Variants in HK1 observed in about 807,000 individuals in gnomAD.
HK1 encodes hexokinase 1.
In HK1, 28 loss-of-function variants were observed where a neutral mutation model predicts 91.6. That is an observed-to-expected ratio of 0.31 (90% CI 0.23 to 0.42). The LOEUF is 0.42. Ranked by LOEUF, HK1 falls within the 10% of genes least tolerant of loss-of-function variation. The probability of loss-of-function intolerance (pLI) is 1.00; values close to 1 mark genes in which losing one functional copy is unlikely to be tolerated. For synonymous variants in HK1, 430 were observed against 468.1 expected (o/e 0.92, Z 1.05); for missense variants, 770 against 1,219.8 (o/e 0.63, Z 5.49).
chr10:69,310,052 TAA>T (rs1216110407), intron 5 of HK1, among the ~76,000 whole-genome samples: 10 of 88,956 alleles, frequency 1.1e-4, no homozygotes, highest in Non-Finnish European at 2.0e-4. Context: ...CTCCATCTCA[TAA>T]AAAAAAAAAA....
At chr10:69,396,383 CAG>C (rs1352809380) in intron 16 of HK1, among the ~76,000 whole-genome samples, 12 of 152,118 alleles carry the variant, frequency 7.9e-5, no homozygotes, top group African/African-American at 2.9e-4. Context: ...TTTAAGTATA[CAG>C]TTCGGTGACA....
chr10:69,330,653 G>T (rs970203772), intron 1 of HK1, among the ~76,000 whole-genome samples: 18 of 152,060 alleles, frequency 1.2e-4, no homozygotes, highest in African/African-American at 4.3e-4. Context: ...CTTCCCTGAT[G>T]CAGACTCTCA....
chr10:69,392,061 G>A, intron 14 of HK1, 64 bp from the exon 15 acceptor site: 7 of 1,566,616 alleles, frequency 4.5e-6, no homozygotes, highest in Non-Finnish European at 6.2e-6. Flanking sequence ...CCAGACCCCA[G>A]GCCCAGTTGC....
chr10:69,273,237 A>G (rs1844266143), intron 1 of HK1, among the ~76,000 whole-genome samples: 1 of 151,778 alleles, frequency 6.6e-6, no homozygotes, highest in Admixed American at 6.6e-5. Flanking sequence ...TTTATTTGAG[A>G]TGGAGTCTCA....
chr10:69,302,270 T>C (rs1298843840), intron 5 of HK1, among the ~76,000 whole-genome samples: 4 of 149,802 alleles, frequency 2.7e-5, no homozygotes, highest in Admixed American at 1.3e-4. Flanking sequence ...AAAAAACTTA[T>C]AAAGCTACAG....
chr10:69,382,939 C>T (rs1162101170), intron 10 of HK1, 148 bp downstream of exon 10: 1 of 748,132 alleles, frequency 1.3e-6, no homozygotes, highest in Non-Finnish European at 2.2e-6. Flanking sequence ...TCTCTGTTTT[C>T]CATTTTTATT....
intron 5 of HK1, among the ~76,000 whole-genome samples, chr10:69,307,288 G>A (rs551201654): frequency 8.5e-5 from 13 of 152,144 alleles, no homozygotes; most frequent in African/African-American, 1.2e-4. Flanking sequence ...CCCACCCCCC[G>A]GGGGAGGGCA....
At chr10:69,296,363 T>C (rs1230286386) in intron 4 of HK1, 1 of 153,116 alleles carries the variant, frequency 6.5e-6, no homozygotes, top group African/African-American at 2.4e-5. Flanking sequence ...TAGTCCCAGG[T>C]GAGGGCCAAA....
chr10:69,299,556 G>A lies in HK1; in HGVS notation c.-66-1213G>A, dbSNP rs1463000658. On this transcript the variant is annotated intron_variant, in intron 4 of 21. Coordinates refer to the HK1 transcript ENST00000360289. ...TAATTTTTGTATTTTTAGTAGAGAC[G>A]GGGTTTCACCATGTTGGTTAAGTTG... Among the ~76,000 whole-genome samples the A allele has an allele frequency of 4.6e-5, 7 of 151,528 alleles. No homozygotes were observed. The South Asian group carries it at 8.3e-4, about 18-fold the overall frequency.
At chr10:69,390,681 C>G (rs114250473) in intron 14 of HK1, among the ~76,000 whole-genome samples, 2 of 152,150 alleles carry the variant, frequency 1.3e-5, no homozygotes, top group African/African-American at 4.8e-5. Flanking sequence ...TGTGCCCTCC[C>G]GATGAAAGTT....
chr10:69,306,083 A>T (rs7090983), intron 5 of HK1, among the ~76,000 whole-genome samples: 1 of 151,676 alleles, frequency 6.6e-6, no homozygotes, highest in Non-Finnish European at 1.5e-5. Flanking sequence ...GGGGCTGGGC[A>T]CGGTGGCTCA....
intron 1 of HK1, among the ~76,000 whole-genome samples, chr10:69,339,944 C>G (rs1743316400): frequency 6.6e-6 from 1 of 152,224 alleles, no homozygotes; most frequent in Non-Finnish European, 1.5e-5. Flanking sequence ...GGATTAAGAA[C>G]ATCTCCCAGA....
chr10:69,383,603 G>A (rs953154179), intron 10 of HK1, among the ~76,000 whole-genome samples: 1 of 152,240 alleles, frequency 6.6e-6, no homozygotes, highest in African/African-American at 2.4e-5. Context: ...GCTCATCAGG[G>A]CCAGGATTGG....
chr10:69,301,996 A>G (rs1845897460), intron 5 of HK1, among the ~76,000 whole-genome samples: 1 of 152,178 alleles, frequency 6.6e-6, no homozygotes, highest in South Asian at 2.1e-4. Flanking sequence ...TTGTAATCCT[A>G]GAACTTTGGG....
Position 69,401,096 on chromosome 10 carries a change from G to T in HK1, c.2715G>T (p.Thr905=). 6.2e-7 allele frequency: 1 copy of T among 1,614,030 alleles called. No homozygotes were observed. Among genetic ancestry groups the T allele is most frequent in the Non-Finnish European group, 8.5e-7 (1 of 1,180,012 alleles). The change falls in exon 18 of 18, where the codon ACG becomes ACT. Residue 905 remains threonine, a synonymous_variant. Coordinates refer to ENST00000359426, the MANE Select transcript of HK1 (RefSeq NM_000188.3). ...GCGGCAAGGGGGCCGCCCTCATCAC[G>T]GCCGTGGGCGTGCGGTTACGCACAG... ...DGSGKGAALI[T]AVGVRLRTEA... is the part of the protein sequence containing the mutation.
chr10:69,379,394 A>G (rs1019491867), intron 8 of HK1, among the ~76,000 whole-genome samples: 1 of 152,220 alleles, frequency 6.6e-6, no homozygotes, highest in Non-Finnish European at 1.5e-5. Flanking sequence ...CAGCAATAAC[A>G]AAACTATAAA....
At chr10:69,302,936 GC>G (rs35833065) in intron 5 of HK1, among the ~76,000 whole-genome samples, 3,189 of 152,134 alleles carry the variant, frequency 0.021, 110 homozygotes, top group African/African-American at 0.071. Context: ...GGCTAGTTCT[GC>G]CTGGAACACT....
At chr10:69,395,149 GTCGCC>G in intron 16 of HK1, 44 bp downstream of exon 16, 1 of 1,602,184 alleles carries the variant, frequency 6.2e-7, no homozygotes, top group Non-Finnish European at 8.5e-7. Context: ...CCCTTCAGAG[GTCGCC>G]TGGCTGGTGG....
rs187902172 is a variant in HK1, at chr10:69,271,032, A to G, written c.-391+924A>G. ...AAGATACTCTATAAATGATGATTCA[A>G]TGAATGCCAAGCCCTGTTCTATGCA... On this transcript the variant is annotated intron_variant, in intron 1 of 21. Coordinates refer to the HK1 transcript ENST00000360289. The G allele has an allele frequency of 5.3e-5, 8 of 152,372 alleles. No individual in the cohort carries two copies. In the East Asian group the frequency reaches 1.2e-3, roughly 22 times the overall value. 9.4% of individuals were successfully genotyped at this position (152,372 alleles called of 1,614,324 possible).
Sources: allele counts gnomAD v4.1 joint callset (sites outside exome capture counted in the v4.1 genomes callset), GRCh38; gene constraint gnomAD v4.1.1; transcripts MANE v1.5; gene names NCBI Gene and HGNC (gene_info 2026-07-23, HGNC 2026-07-21).